The following FARP1 variants were observed in gnomAD, a reference collection of about 807,000 sequenced individuals.
FARP1 encodes the protein FERM, ARHGEF and pleckstrin domain-containing protein 1.
A neutral mutation model predicts 128.8 loss-of-function variants in FARP1; 52 were observed. That is an observed-to-expected ratio of 0.40 (90% CI 0.32 to 0.51). The LOEUF is 0.51. FARP1 is among the 20% of genes least tolerant of loss of function. The pLI, the probability that FARP1 is intolerant of heterozygous loss-of-function variation, is 0.45. For missense variants in FARP1, 1,333 were observed against 1,367.9 expected (o/e 0.97, Z 0.40); for synonymous variants, 580 against 551.8 (o/e 1.05, Z -0.72).
intron 1 of FARP1, among the ~76,000 whole-genome samples, chr13:98,145,383 T>C (rs1446199768): frequency 6.6e-6 from 1 of 152,216 alleles, no homozygotes; most frequent in Non-Finnish European, 1.5e-5. Context: ...CTTCCTTTAA[T>C]TGATACAGGG....
At chr13:98,360,475 A>C (rs1327088355) in intron 3 of FARP1, among the ~76,000 whole-genome samples, 1 of 152,148 alleles carries the variant, frequency 6.6e-6, no homozygotes, top group South Asian at 2.1e-4. Flanking sequence ...TTGGACAGAC[A>C]CTGGAAATGC....
chr13:98,312,816 C>A (rs2139752191), intron 2 of FARP1, among the ~76,000 whole-genome samples: 1 of 152,262 alleles, frequency 6.6e-6, no homozygotes, highest in Non-Finnish European at 1.5e-5. Flanking sequence ...GCACAGGGCG[C>A]TCTGCCTTCT....
chr13:98,281,178 G>A (rs1884919374), intron 2 of FARP1, among the ~76,000 whole-genome samples: 1 of 152,070 alleles, frequency 6.6e-6, no homozygotes, highest in Non-Finnish European at 1.5e-5. Flanking sequence ...ACATGGTAAA[G>A]CCTGTCTCTA....
At chr13:98,211,566 A>T (rs1372357700) in intron 1 of FARP1, among the ~76,000 whole-genome samples, 1 of 152,130 alleles carries the variant, frequency 6.6e-6, no homozygotes, top group East Asian at 1.9e-4. Context: ...TCTGGCTCTG[A>T]TTCTCACTCT....
chr13:98,363,748 C>A (rs58083861), intron 3 of FARP1, among the ~76,000 whole-genome samples: 3,110 of 152,118 alleles, frequency 0.02, 103 homozygotes, highest in African/African-American at 0.07. Context: ...TTATTTATTT[C>A]TTTCTTTTTT....
At chr13:98,408,322 CTT>C (rs34532263) in intron 13 of FARP1, among the ~76,000 whole-genome samples, 11 of 90,142 alleles carry the variant, frequency 1.2e-4, no homozygotes, top group Non-Finnish European at 1.6e-4. Context: ...GTAATATATA[CTT>C]TTTTTTTTTT....
In FARP1 at chr13:98,449,234, C is replaced by T. The variant is rs1171043339; in HGVS notation, c.*917C>T. The T allele has an allele frequency of 1.3e-5, 2 of 152,224 alleles. No individual in the cohort carries two copies. Among genetic ancestry groups the T allele is most frequent in the Admixed American group, 6.5e-5 (1 of 15,286 alleles). The allele number at this position is 152,224 out of a possible 1,614,324, so 9.4% of individuals were successfully genotyped here. On this transcript the variant is annotated 3_prime_UTR_variant, in exon 27 of 27. Coordinates refer to ENST00000319562, the MANE Select transcript of FARP1 (RefSeq NM_005766.4). ...CTATGAAATCATGGTACGTAGTCCC[C>T]GGCACCTGTCGTTATTCCTATATCC... is the stretch of plus-strand genomic sequence containing the variant.
chr13:98,183,900 G>T (rs1328976615), intron 1 of FARP1, among the ~76,000 whole-genome samples: 2 of 152,080 alleles, frequency 1.3e-5, no homozygotes, highest in Non-Finnish European at 2.9e-5. Flanking sequence ...TAGCGCCCTG[G>T]CTCTCTGAGG....
intron 2 of FARP1, among the ~76,000 whole-genome samples, chr13:98,226,937 T>C (rs1252101632): frequency 6.6e-6 from 1 of 152,026 alleles, no homozygotes; most frequent in Non-Finnish European, 1.5e-5. Flanking sequence ...TTGCATTTCT[T>C]TCTTTCTTTC....
At chr13:98,318,311 C>T (rs1037798178) in intron 2 of FARP1, among the ~76,000 whole-genome samples, 22 of 152,056 alleles carry the variant, frequency 1.4e-4, no homozygotes, top group African/African-American at 4.8e-4. Context: ...CACACATTGG[C>T]CTTCCAAAAC....
intron 2 of FARP1, chr13:98,244,411 T>TTTATTG: frequency 7.6e-7 from 1 of 1,318,670 alleles, no homozygotes; most frequent in East Asian, 2.5e-5. Flanking sequence ...GCTGTGTCTC[T>TTTATTG]TTATTGTTAC....
intron 1 of FARP1, among the ~76,000 whole-genome samples, chr13:98,160,047 A>G (rs1425366716): frequency 6.6e-6 from 1 of 152,228 alleles, no homozygotes; most frequent in Admixed American, 6.5e-5. Context: ...CTTTGAAGAT[A>G]CTGACCTATC....
At chr13:98,426,066 C>T (rs7991231) in intron 17 of FARP1, among the ~76,000 whole-genome samples, 8,621 of 152,294 alleles carry the variant, frequency 0.057, 635 homozygotes, top group African/African-American at 0.17. Context: ...TCCACCTGTC[C>T]ATCCACCCAG....
chr13:98,318,068 CTTTT>C (rs35762706), intron 2 of FARP1, among the ~76,000 whole-genome samples: 9 of 104,174 alleles, frequency 8.6e-5, no homozygotes, highest in African/African-American at 3.2e-4. Context: ...TCTCCTCCTC[CTTTT>C]TTTTTTTTTT....
At chr13:98,267,280 CT>C (rs1336471708) in intron 2 of FARP1, among the ~76,000 whole-genome samples, 9 of 152,156 alleles carry the variant, frequency 5.9e-5, no homozygotes, top group Non-Finnish European at 1.3e-4. Context: ...ACAGTAACTG[CT>C]TTCACTGCTT....
At chr13:98,351,550 C>T (rs80149603) in intron 3 of FARP1, among the ~76,000 whole-genome samples, 2,198 of 149,802 alleles carry the variant, frequency 0.015, 21 homozygotes, top group Non-Finnish European at 0.023. Context: ...AGGCGGAGCT[C>T]GCAGTGAGCT....
intron 2 of FARP1, among the ~76,000 whole-genome samples, chr13:98,265,306 C>T (rs1884055660): frequency 8.4e-6 from 1 of 119,234 alleles, no homozygotes. Flanking sequence ...ACCCCTCCTT[C>T]CTGAATTTTT....
intron 10 of FARP1, 199 bp from the exon 11 acceptor site, chr13:98,390,613 T>G: frequency 7.4e-6 from 4 of 540,738 alleles, no homozygotes; most frequent in Non-Finnish European, 9.8e-6. Context: ...TTCTGTATAT[T>G]CAAGGAAAAT....
At chr13:98,189,486 A>T (rs557912280) in intron 1 of FARP1, among the ~76,000 whole-genome samples, 48 of 152,196 alleles carry the variant, frequency 3.2e-4, no homozygotes, top group Non-Finnish European at 5.1e-4. Flanking sequence ...TGAGAGAATC[A>T]TTAAAGATTC....
Sources: allele counts gnomAD v4.1 joint callset (sites outside exome capture counted in the v4.1 genomes callset), GRCh38; gene constraint gnomAD v4.1.1; transcripts MANE v1.5; gene names NCBI Gene and HGNC (gene_info 2026-07-23, HGNC 2026-07-21).